Variants in UBE4B observed in about 807,000 individuals in gnomAD.
The protein encoded by UBE4B is ubiquitin conjugation factor E4 B.
Under a neutral mutation model 148.1 loss-of-function variants are expected in UBE4B, and 27 were observed. The ratio of observed to expected loss-of-function variants is 0.18; its 90% CI spans 0.13 to 0.25. The LOEUF is 0.25. Ranked by LOEUF, UBE4B falls within the 10% of genes least tolerant of loss-of-function variation. The probability of loss-of-function intolerance (pLI) is 1.00; values close to 1 mark genes in which losing one functional copy is unlikely to be tolerated. For missense variants in UBE4B, 1,170 were observed against 1,662.4 expected (o/e 0.70, Z 5.15); for synonymous variants, 596 against 619.3 (o/e 0.96, Z 0.56).
At chr1:10,119,726 T>A in intron 9 of UBE4B, 113 bp downstream of exon 9, 1 of 840,078 alleles carries the variant, frequency 1.2e-6, no homozygotes. Context: ...CTTCCTCACC[T>A]GTAAAATGAA....
chr1:10,130,893 T>A, intron 14 of UBE4B, 80 bp downstream of exon 14: 1 of 1,254,500 alleles, frequency 8.0e-7, no homozygotes, highest in Non-Finnish European at 1.2e-6. Flanking sequence ...TAGACTGGAC[T>A]ATGCCCAGTA....
chr1:10,156,214 A>G (rs905558546), intron 21 of UBE4B, among the ~76,000 whole-genome samples: 8 of 148,354 alleles, frequency 5.4e-5, no homozygotes, highest in Non-Finnish European at 1.0e-4. Context: ...GGAGAAATGT[A>G]TATTGTTTTG....
intron 7 of UBE4B, among the ~76,000 whole-genome samples, chr1:10,114,803 G>C (rs534952552): frequency 6.6e-6 from 1 of 152,268 alleles, no homozygotes; most frequent in East Asian, 1.9e-4. Flanking sequence ...GGCGGAGTTT[G>C]CACTGAGCAG....
At chr1:10,134,049 C>CAAAAAAA (rs367557718) in intron 15 of UBE4B, among the ~76,000 whole-genome samples, 1 of 135,946 alleles carries the variant, frequency 7.4e-6, no homozygotes, top group Non-Finnish European at 1.6e-5. Context: ...AACCCTGTCT[C>CAAAAAAA]AAAAAAAAAA....
At chr1:10,147,208 C>T (rs1645888942) in intron 19 of UBE4B, 118 bp downstream of exon 19, 1 of 1,493,564 alleles carries the variant, frequency 6.7e-7, no homozygotes. Flanking sequence ...ATTCACTTCT[C>T]TGCAAGGCGC....
intron 2 of UBE4B, among the ~76,000 whole-genome samples, chr1:10,087,119 A>G (rs540582570): frequency 1.3e-5 from 2 of 152,376 alleles, no homozygotes; most frequent in African/African-American, 4.8e-5. Flanking sequence ...GTGTATCTAT[A>G]GAACTTGTAA....
At chr1:10,098,102 T>C (rs957903048) in intron 3 of UBE4B, among the ~76,000 whole-genome samples, 7 of 152,022 alleles carry the variant, frequency 4.6e-5, no homozygotes, top group African/African-American at 9.7e-5. Flanking sequence ...AACTCCTGAC[T>C]TCAAGTGATC....
At chr1:10,157,028 A>T (rs79286153) in intron 21 of UBE4B, among the ~76,000 whole-genome samples, 3,477 of 151,916 alleles carry the variant, frequency 0.023, 50 homozygotes, top group Non-Finnish European at 0.027. Flanking sequence ...GAAAAAAAAA[A>T]TTTTTGAGAC....
At chr1:10,067,652 G>A (rs759939181) in intron 1 of UBE4B, among the ~76,000 whole-genome samples, 3 of 150,454 alleles carry the variant, frequency 2.0e-5, no homozygotes, top group Admixed American at 6.6e-5. Context: ...GGCTCTCACC[G>A]GGTTGCACAG....
At chr1:10,100,038 G>A (rs1273110601) in intron 3 of UBE4B, among the ~76,000 whole-genome samples, 1 of 151,876 alleles carries the variant, frequency 6.6e-6, no homozygotes, top group Non-Finnish European at 1.5e-5. Flanking sequence ...CGCCCAGGCT[G>A]GAGTGCAGTG....
chr1:10,064,946 T>C (rs1644360017), intron 1 of UBE4B, among the ~76,000 whole-genome samples: 1 of 152,054 alleles, frequency 6.6e-6, no homozygotes, highest in Non-Finnish European at 1.5e-5. Context: ...GTATTTTTGA[T>C]AGAGGTGAGG....
chr1:10,156,498 C>T (rs1046954586), intron 21 of UBE4B, among the ~76,000 whole-genome samples: 1 of 152,076 alleles, frequency 6.6e-6, no homozygotes, highest in African/African-American at 2.4e-5. Context: ...CCCGGGCCTC[C>T]TGAAGTGCTG....
chr1:10,096,065 G>A (rs557814750), intron 3 of UBE4B, among the ~76,000 whole-genome samples: 1 of 152,056 alleles, frequency 6.6e-6, no homozygotes, highest in Non-Finnish European at 1.5e-5. Context: ...GCCACTGTGC[G>A]TGGCCCACTA....
chr1:10,113,898 C>G (rs970938314), intron 7 of UBE4B, among the ~76,000 whole-genome samples: 7 of 152,012 alleles, frequency 4.6e-5, no homozygotes, highest in African/African-American at 7.2e-5. Flanking sequence ...AACCCCGTCT[C>G]TACTAAAAAT....
chr1:10,167,105 C>G (rs901913350), intron 23 of UBE4B, among the ~76,000 whole-genome samples: 1 of 151,406 alleles, frequency 6.6e-6, no homozygotes, highest in South Asian at 2.1e-4. Flanking sequence ...GCACTCTAGC[C>G]TGGGTGACAG....
intron 2 of UBE4B, among the ~76,000 whole-genome samples, chr1:10,082,368 G>A (rs1427533528): frequency 6.6e-6 from 1 of 152,052 alleles, no homozygotes; most frequent in Non-Finnish European, 1.5e-5. Flanking sequence ...AGGCATGGTA[G>A]TGCGCACCTG....
chr1:10,133,452 C>G (rs1319481688), intron 15 of UBE4B, among the ~76,000 whole-genome samples: 1 of 152,174 alleles, frequency 6.6e-6, no homozygotes, highest in Admixed American at 6.5e-5. Context: ...CCAATATTAA[C>G]TATCATTCTT....
At chr1:10,147,652 A>T (rs1040347299) in intron 19 of UBE4B, among the ~76,000 whole-genome samples, 1 of 152,146 alleles carries the variant, frequency 6.6e-6, no homozygotes, top group Admixed American at 6.5e-5. Context: ...AAAATTTGCT[A>T]TAAAGTCTTT....
intron 2 of UBE4B, among the ~76,000 whole-genome samples, chr1:10,081,253 T>C (rs1644675200): frequency 6.6e-6 from 1 of 151,106 alleles, no homozygotes; most frequent in African/African-American, 2.4e-5. Context: ...AGAGACAGGC[T>C]TTCTCTATGT....
Sources: gnomAD v4.1 joint callset for allele counts (sites outside exome capture counted in the v4.1 genomes callset) on GRCh38, gnomAD v4.1.1 for gene constraint, MANE v1.5 for transcripts, NCBI Gene and HGNC (gene_info 2026-07-23, HGNC 2026-07-21) for gene names.